Variants in RAB11FIP3 observed in about 807,000 individuals in gnomAD.
RAB11FIP3 encodes the protein rab11 family-interacting protein 3.
In RAB11FIP3, 17 loss-of-function variants were observed where a neutral mutation model predicts 77.8. That is an observed-to-expected ratio of 0.22 (90% confidence interval 0.15 to 0.33). RAB11FIP3 has a LOEUF of 0.33. RAB11FIP3 is among the 10% of genes least tolerant of loss of function. The pLI is 1.00. For synonymous variants in RAB11FIP3, 437 were observed against 448.2 expected (o/e 0.98, Z 0.31); for missense variants, 1,005 against 1,011.2 (o/e 0.99, Z 0.08).
intron 1 of RAB11FIP3, among the ~76,000 whole-genome samples, chr16:445,135 A>G (rs2055292883): frequency 7.1e-6 from 1 of 140,244 alleles, no homozygotes; most frequent in South Asian, 2.2e-4. Flanking sequence ...AAAAAAAGAA[A>G]AAAAGATTGG....
At chr16:489,849 C>T (rs926285519) in intron 5 of RAB11FIP3, among the ~76,000 whole-genome samples, 6 of 152,224 alleles carry the variant, frequency 3.9e-5, no homozygotes, top group Non-Finnish European at 5.9e-5. Context: ...TGAAGCCGCC[C>T]GTCAGCCCTG....
At chr16:429,261 A>C (rs1168498135) in intron 1 of RAB11FIP3, among the ~76,000 whole-genome samples, 1 of 152,132 alleles carries the variant, frequency 6.6e-6, no homozygotes, top group African/African-American at 2.4e-5. Flanking sequence ...GGTTCCTGAC[A>C]TTATATCATT....
rs576063551 is a variant in RAB11FIP3, at chr16:442,818, C to T, written c.714+16098C>T. ...CTCTCCTGAGGGTCACAACAGGCTC[C>T]GTGCTAGAGCGGTCATCTCTGCAGA... On this transcript the variant is annotated intron_variant, in intron 1 of 13. Coordinates refer to ENST00000262305, the MANE Select transcript of RAB11FIP3 (RefSeq NM_014700.4). Among the ~76,000 whole-genome samples the T allele has an allele frequency of 3.9e-5, 6 of 152,286 alleles. No individual in the cohort carries two copies. The South Asian group carries it at 1.0e-3, about 26-fold the overall frequency.
At chr16:480,388 G>C (rs2038272061) in intron 3 of RAB11FIP3, among the ~76,000 whole-genome samples, 1 of 151,734 alleles carries the variant, frequency 6.6e-6, no homozygotes, top group African/African-American at 2.4e-5. Context: ...TTAATGGCAT[G>C]ATATCAGCTC....
At chr16:458,972 A>T (rs2055557052) in intron 1 of RAB11FIP3, among the ~76,000 whole-genome samples, 1 of 152,206 alleles carries the variant, frequency 6.6e-6, no homozygotes, top group Admixed American at 6.5e-5. Flanking sequence ...CTCTGGTGAC[A>T]TCTGTGCCTC....
chr16:511,954 G>T (rs1289190194), intron 9 of RAB11FIP3, among the ~76,000 whole-genome samples: 36 of 137,320 alleles, frequency 2.6e-4, no homozygotes, highest in African/African-American at 9.4e-4. Context: ...CCCAGAACCT[G>T]CAGGCCAGGT....
Position 509,424 on chromosome 16 carries a change from T to C in RAB11FIP3, c.1500-1236T>C, listed in dbSNP as rs530224504. 8.5e-5 allele frequency among the ~76,000 whole-genome samples: 13 copies of C among 152,368 alleles called. No homozygotes were observed. The East Asian group carries it at 2.5e-3, about 29-fold the overall frequency. ...CTTCCTGTTGAAAGCTTTCCTGTTG[T>C]GTCTGGTGATCTTTGGCCATCTGTT... On this transcript the variant is annotated intron_variant, in intron 8 of 13. Transcript: ENST00000262305.
intron 4 of RAB11FIP3, among the ~76,000 whole-genome samples, chr16:484,378 GT>G (rs2056108214): frequency 6.6e-6 from 1 of 151,394 alleles, no homozygotes; most frequent in East Asian, 1.9e-4. Context: ...TTGAGACGGA[GT>G]CTCGCTCTGT....
At position 482,626 on chromosome 16, in the gene RAB11FIP3, G is replaced by C. The variant is rs1432143772; in HGVS notation, c.1005G>C (p.Glu335Asp). ...ACACCAGCACCCTGGTGCACCCTGA[G>C]CTGCAACCTGAAGGGGACGCAGACA... ...DEDTSTLVHP[E>D]LQPEGDADSA... Residue 335 changes from glutamate (E) to aspartate (D), a missense_variant, in exon 4 of 14, where the codon GAG becomes GAC. Physicochemically the swap from Glu to Asp is conservative, Grantham distance 45 (BLOSUM62 2). Coordinates refer to ENST00000262305, the MANE Select transcript of RAB11FIP3 (RefSeq NM_014700.4). 6 of 1,613,546 alleles carry C rather than the reference G, an allele frequency of 3.7e-6. No homozygotes were observed. The highest frequency in any genetic ancestry group is 4.2e-6 in the Non-Finnish European group (5 of 1,180,050).
At chr16:477,674 T>A in intron 3 of RAB11FIP3, 1 of 985,442 alleles carries the variant, frequency 1.0e-6, no homozygotes, top group African/African-American at 1.7e-5. Context: ...GCACGAGAGC[T>A]GGGGTTTCTT....
At chr16:450,110 T>TCA (rs2055382253) in intron 1 of RAB11FIP3, among the ~76,000 whole-genome samples, 1 of 152,074 alleles carries the variant, frequency 6.6e-6, no homozygotes, top group Non-Finnish European at 1.5e-5. Flanking sequence ...GGAAGCCAGG[T>TCA]CACTACCCAG....
chr16:497,974 A>G (rs1375358467), intron 6 of RAB11FIP3, among the ~76,000 whole-genome samples: 1 of 151,656 alleles, frequency 6.6e-6, no homozygotes, highest in African/African-American at 2.4e-5. Context: ...TAAAAATTAA[A>G]AAAAAAAAAG....
chr16:477,336 G>A (rs939060210), intron 3 of RAB11FIP3, among the ~76,000 whole-genome samples: 1 of 152,230 alleles, frequency 6.6e-6, no homozygotes, highest in African/African-American at 2.4e-5. Context: ...AGAGTCAGCA[G>A]CGGGTCTTCC....
Position 520,263 on chromosome 16 carries a change from C to T in RAB11FIP3, c.2002C>T (p.Arg668Cys), listed in dbSNP as rs1351426669. 3.9e-6 allele frequency: 6 copies of T among 1,546,834 alleles called. No individual in the cohort carries two copies. The highest frequency in any genetic ancestry group is 2.4e-5 in the East Asian group (1 of 41,394). Residue 668 changes from arginine to cysteine, a missense_variant, in exon 12 of 14, where the codon CGC becomes TGC. Coordinates refer to ENST00000262305, the MANE Select transcript of RAB11FIP3 (RefSeq NM_014700.4). ...ARESELEQEV[R>C]RLKQDNRNLK... ...GGAGAGCGAGCTGGAGCAGGAGGTCCGCAGGCTGAAGCAGGTGGGCAGGCC... is the reference window on the plus strand; with the variant it reads ...GGAGAGCGAGCTGGAGCAGGAGGTCTGCAGGCTGAAGCAGGTGGGCAGGCC...
intron 2 of RAB11FIP3, among the ~76,000 whole-genome samples, chr16:465,664 C>T (rs1249809276): frequency 6.6e-6 from 1 of 152,134 alleles, no homozygotes; most frequent in Non-Finnish European, 1.5e-5. Flanking sequence ...GGCTAGAGTG[C>T]AGTGGTGTGA....
Position 520,585 on chromosome 16 carries a change from G to T in RAB11FIP3, c.2143G>T (p.Val715Phe). The T allele has an allele frequency of 6.2e-7, 1 of 1,613,426 alleles. No homozygotes were observed. The highest frequency in any genetic ancestry group is 2.2e-5 in the East Asian group (1 of 44,882). The change falls in exon 13 of 14, where the codon GTC becomes TTC. Residue 715 changes from valine (V) to phenylalanine (F), a missense_variant. Val to Phe is a conservative substitution (Grantham distance 50, BLOSUM62 -1). Coordinates refer to ENST00000262305, the MANE Select transcript of RAB11FIP3 (RefSeq NM_014700.4). Reference sequence around the variant, plus strand: ...GTCCCTGGCTGCAGAGATCAGCTCCGTCTCCCGAGATGAGGTAACACATCC... The same window carrying T: ...GTCCCTGGCTGCAGAGATCAGCTCCTTCTCCCGAGATGAGGTAACACATCC... ...SESLAAEISS[V>F]SRDELMEAIQ...
At chr16:493,016 G>C (rs971759654) in intron 5 of RAB11FIP3, among the ~76,000 whole-genome samples, 2 of 152,168 alleles carry the variant, frequency 1.3e-5, no homozygotes, top group Admixed American at 1.3e-4. Flanking sequence ...GGGAGGCTGA[G>C]GAGGCAGGCA....
chr16:458,746 A>G (rs1336310038), intron 1 of RAB11FIP3, among the ~76,000 whole-genome samples: 1 of 152,230 alleles, frequency 6.6e-6, no homozygotes, highest in African/African-American at 2.4e-5. Context: ...CCGCCACCCA[A>G]GAGGGGCTTT....
chr16:491,032 C>G, intron 5 of RAB11FIP3: 1 of 1,081,314 alleles, frequency 9.2e-7, no homozygotes, highest in South Asian at 1.5e-5. Context: ...TGCTTTTGTT[C>G]CACACCATGT....
Sources: gnomAD v4.1 joint callset for allele counts (sites outside exome capture counted in the v4.1 genomes callset) on GRCh38, gnomAD v4.1.1 for gene constraint, MANE v1.5 for transcripts, NCBI Gene and HGNC (gene_info 2026-07-23, HGNC 2026-07-21) for gene names.